Variants in TOPAZ1 observed in about 807,000 individuals in gnomAD.
TOPAZ1 encodes the protein testis and ovary specific TOPAZ 1.
In TOPAZ1, 66 loss-of-function variants were observed where a neutral mutation model predicts 172.2. That is an observed-to-expected ratio of 0.38 (90% CI 0.31 to 0.47). TOPAZ1 has a LOEUF of 0.47. TOPAZ1 is among the 20% of genes least tolerant of loss of function. The pLI is 0.99. For missense variants in TOPAZ1, 1,822 were observed against 1,972.4 expected (o/e 0.92, Z 1.44); for synonymous variants, 681 against 683.9 (o/e 1.00, Z 0.07).
chr3:44,255,725 ATATATG>A lies in TOPAZ1; in HGVS notation c.2828-425_2828-420del, dbSNP rs1377612698. ...CACACACACACACACACACACATAT[ATATATG>A]GTTAACAGCTAGTCAAAAGTTTAAA... On this transcript the variant is annotated intron_variant, in intron 3 of 19. Coordinates refer to ENST00000309765, the MANE Select transcript of TOPAZ1 (RefSeq NM_001145030.2). 2.6e-3 allele frequency among the ~76,000 whole-genome samples: 368 copies of A among 140,866 alleles called. 7 individuals carry two copies. Among genetic ancestry groups the A allele is most frequent in the Admixed American group, 0.022 (305 of 13,930 alleles). 92.4% of individuals were successfully genotyped at this position (140,866 alleles called of 152,430 possible). A position where few individuals can be genotyped will look rare whatever the true frequency, so the allele number is the denominator to read the frequency against.
At chr3:44,295,400 TAG>T (rs1276184235) in intron 12 of TOPAZ1, among the ~76,000 whole-genome samples, 2 of 152,188 alleles carry the variant, frequency 1.3e-5, no homozygotes, top group African/African-American at 4.8e-5. Context: ...TGAATTTATT[TAG>T]AGTGATATCC....
chr3:44,244,071 C>T lies in TOPAZ1; in HGVS notation c.1565C>T (p.Ser522Phe), dbSNP rs1010313678. 1.5e-5 allele frequency: 24 copies of T among 1,551,688 alleles called. No individual in the cohort carries two copies. The highest frequency in any genetic ancestry group is 2.0e-5 in the Non-Finnish European group (23 of 1,146,984). ...GAATCAAGTTACTTTCTTCGTGGGT[C>T]TCAGGAAAGTTGTAGGCAAGTTGAT... Reference protein sequence around the residue: ...LPESSYFLRGSQESCRQVDVP... With the variant: ...LPESSYFLRGFQESCRQVDVP... Residue 522 changes from serine (S) to phenylalanine (F), a missense_variant, in exon 2 of 20, where the codon TCT becomes TTT. By Grantham distance (155) the Ser-to-Phe change is radical (BLOSUM62 -2). Around this residue, in one of 2 missense-constraint regions of TOPAZ1, gnomAD observed 1,489 missense variants for 1,490.8 expected, o/e 1.00. Coordinates refer to ENST00000309765, the MANE Select transcript of TOPAZ1 (RefSeq NM_001145030.2).
chr3:44,309,864 C>A lies in TOPAZ1; in HGVS notation c.4180C>A (p.His1394Asn). The A allele has an allele frequency of 1.3e-6, 2 of 1,540,478 alleles. No individual in the cohort carries two copies. The highest frequency in any genetic ancestry group is 1.8e-6 in the Non-Finnish European group (2 of 1,139,912). The change falls in exon 16 of 20, where the codon CAC (histidine) becomes AAC (asparagine). Residue 1394 changes from histidine (H) to asparagine (N), a missense_variant. Physicochemically the swap from His to Asn is moderately conservative, Grantham distance 68 (BLOSUM62 1). Around this residue, in one of 2 missense-constraint regions of TOPAZ1, gnomAD observed 333 missense variants for 481.7 expected, o/e 0.69. Transcript: ENST00000309765. ...VLEKLYELKI[H>N]FTSLKGLIGP... ...AGAGAAACTATATGAATTAAAAATA[C>A]ACTTTACAAGTTTAAAAGGACTTAT...
Position 44,290,822 on chromosome 3 carries a change from A to C in TOPAZ1, c.3733A>C (p.Lys1245Gln). 6.4e-7 allele frequency: 1 copy of C among 1,550,546 alleles called. No homozygotes were observed. Among genetic ancestry groups the C allele is most frequent in the Middle Eastern group, 1.7e-4 (1 of 5,986 alleles). ...LDPEHFNYIV[K>Q]LLYQVQASKQ... ...CCCAGAGCACTTTAACTATATTGTT[A>C]AGCTTTTATACCAAGTACAAGCTTC... The change falls in exon 12 of 20, where the codon AAG becomes CAG. Residue 1245 changes from lysine to glutamine, a missense_variant. Physicochemically the swap from Lys to Gln is moderately conservative, Grantham distance 53. Coordinates refer to ENST00000309765, the MANE Select transcript of TOPAZ1 (RefSeq NM_001145030.2).
At chr3:44,253,764 A>G (rs1476431561) in intron 2 of TOPAZ1, among the ~76,000 whole-genome samples, 1 of 152,240 alleles carries the variant, frequency 6.6e-6, no homozygotes. Context: ...GGGAAAAAAT[A>G]CTTTGTTTTC....
intron 4 of TOPAZ1, among the ~76,000 whole-genome samples, chr3:44,260,812 T>G (rs1699766908): frequency 6.6e-6 from 1 of 152,152 alleles, no homozygotes; most frequent in Non-Finnish European, 1.5e-5. Flanking sequence ...TTTAATGAAA[T>G]ATTTAATAAA....
At chr3:44,307,904 T>C (rs1276374322) in intron 15 of TOPAZ1, among the ~76,000 whole-genome samples, 1 of 152,162 alleles carries the variant, frequency 6.6e-6, no homozygotes, top group Admixed American at 6.5e-5. Context: ...GAGCTTAAGG[T>C]TGGTCATAGC....
chr3:44,245,347 T>C, intron 2 of TOPAZ1, 76 bp downstream of exon 2: 1 of 1,335,460 alleles, frequency 7.5e-7, no homozygotes, highest in Non-Finnish European at 9.9e-7. Flanking sequence ...TTCACTAATG[T>C]ATTCAGTGAT....
chr3:44,273,177 T>C (rs1699916663), intron 8 of TOPAZ1, among the ~76,000 whole-genome samples: 1 of 152,226 alleles, frequency 6.6e-6, no homozygotes, highest in African/African-American at 2.4e-5. Flanking sequence ...CCTCTCTAGT[T>C]TGGGGTGCTT....
chr3:44,256,135 T>A lies in TOPAZ1; in HGVS notation c.2828-16T>A, dbSNP rs746622078. 5.2e-5 allele frequency: 77 copies of A among 1,487,296 alleles called. No individual in the cohort carries two copies. Among genetic ancestry groups the A allele is most frequent in the Non-Finnish European group, 6.7e-5 (75 of 1,120,604 alleles). The allele number at this position is 1,487,296 out of a possible 1,614,324, so 92.1% of individuals were successfully genotyped here. A position where few individuals can be genotyped will look rare whatever the true frequency, so the allele number is the denominator to read the frequency against. On this transcript the variant is annotated splice_polypyrimidine_tract_variant and intron_variant, in intron 3 of 19. Coordinates refer to ENST00000309765, the MANE Select transcript of TOPAZ1 (RefSeq NM_001145030.2). The stretch of plus-strand genomic sequence containing the variant: ...TGTCTTTAAAGTTTCTATAGTTGAA[T>A]ATTATTTCTTTTCAGAAAGTGAAAT...
At chr3:44,284,961 C>T (rs1248572561) in intron 9 of TOPAZ1, among the ~76,000 whole-genome samples, 1 of 151,978 alleles carries the variant, frequency 6.6e-6, no homozygotes, top group Non-Finnish European at 1.5e-5. Context: ...CAAAACTATT[C>T]CAATATATAA....
intron 17 of TOPAZ1, among the ~76,000 whole-genome samples, chr3:44,322,006 T>C (rs1466640131): frequency 6.6e-6 from 1 of 152,154 alleles, no homozygotes; most frequent in Non-Finnish European, 1.5e-5. Context: ...CTAAAGGAAT[T>C]TTCTTCTCTG....
chr3:44,287,521 G>A lies in TOPAZ1; in HGVS notation c.3569G>A (p.Ser1190Asn), dbSNP rs1343462868. Residue 1190 changes from serine (S) to asparagine (N), a missense_variant, in exon 10 of 20, where the codon AGC becomes AAC. Ser to Asn is a conservative substitution (Grantham distance 46, BLOSUM62 1). This residue lies in a region of TOPAZ1 where 1,489 missense variants were observed against 1,490.8 expected (regional missense o/e 1.00). Coordinates refer to ENST00000309765, the MANE Select transcript of TOPAZ1 (RefSeq NM_001145030.2). ...GAAGTATTTCAGATAGTGAACCTCA[G>A]CATAATGGTTAAAATGCTGGTAAGT... ...LKEVFQIVNL[S>N]IMVKMLPSLK... is the part of the protein sequence containing the mutation. The A allele has an allele frequency of 1.1e-5, 16 of 1,502,836 alleles. No homozygotes were observed. The Admixed American group carries it at 1.5e-4, about 14-fold the overall frequency. 93.1% of individuals were successfully genotyped at this position (1,502,836 alleles called of 1,614,324 possible). A position where few individuals can be genotyped will look rare whatever the true frequency, so the allele number is the denominator to read the frequency against.
Position 44,244,266 on chromosome 3 carries a change from A to G in TOPAZ1, c.1760A>G (p.Glu587Gly). The G allele has an allele frequency of 4.5e-6, 7 of 1,549,868 alleles. No homozygotes were observed. The highest frequency in any genetic ancestry group is 6.1e-6 in the Non-Finnish European group (7 of 1,146,378). ...GAACCTACTTTAATGGTTATAAAGG[A>G]ACCTATAATCAAGGATGATAAAAAG... ...AVEPTLMVIK[E>G]PIIKDDKKIK... is the part of the protein sequence containing the mutation. The change falls in exon 2 of 20, where the codon GAA (glutamate) becomes GGA (glycine). Residue 587 changes from glutamate (E) to glycine (G), a missense_variant. By Grantham distance (98) the Glu-to-Gly change is moderately conservative. Coordinates refer to ENST00000309765, the MANE Select transcript of TOPAZ1 (RefSeq NM_001145030.2).
At chr3:44,263,086 T>C (rs182341799) in intron 5 of TOPAZ1, among the ~76,000 whole-genome samples, 2 of 152,298 alleles carry the variant, frequency 1.3e-5, no homozygotes, top group East Asian at 3.9e-4. Flanking sequence ...ATCTCAGATC[T>C]CTGAATCAAA....
intron 18 of TOPAZ1, among the ~76,000 whole-genome samples, chr3:44,325,311 T>C (rs992372166): frequency 6.6e-6 from 1 of 152,232 alleles, no homozygotes; most frequent in Admixed American, 6.5e-5. Context: ...GTTTTGACTT[T>C]TTTTAAACTT....
intron 8 of TOPAZ1, among the ~76,000 whole-genome samples, chr3:44,280,236 A>T (rs2125690339): frequency 6.6e-6 from 1 of 150,878 alleles, no homozygotes; most frequent in East Asian, 1.9e-4. Flanking sequence ...TGTTAGTCTG[A>T]TGGAGATTTC....
chr3:44,311,978 A>G (rs1031233766), intron 16 of TOPAZ1, among the ~76,000 whole-genome samples: 1 of 151,104 alleles, frequency 6.6e-6, no homozygotes, highest in Non-Finnish European at 1.5e-5. Flanking sequence ...TTTAAAACAC[A>G]TTTTTTTTTC....
Position 44,242,208 on chromosome 3 carries a change from T to A in TOPAZ1, c.155T>A (p.Met52Lys), listed in dbSNP as rs752941965. The A allele has an allele frequency of 1.9e-6, 3 of 1,542,820 alleles. No homozygotes were observed. The South Asian group carries it at 3.6e-5, about 18-fold the overall frequency. ...GCRENKQKRR[M>K]VARATPGRGE... ...CGGGAAAATAAGCAAAAGAGGAGAA[T>A]GGTGGCCCGGGCCACCCCTGGGAGA... The change falls in exon 1 of 20, where the codon ATG becomes AAG. Residue 52 changes from methionine (M) to lysine (K), a missense_variant. By Grantham distance (95) the Met-to-Lys change is moderately conservative. This residue lies in a region of TOPAZ1 where 1,489 missense variants were observed against 1,490.8 expected (regional missense o/e 1.00). Coordinates refer to ENST00000309765, the MANE Select transcript of TOPAZ1 (RefSeq NM_001145030.2).
Sources: gnomAD v4.1 joint callset for allele counts (sites outside exome capture counted in the v4.1 genomes callset) on GRCh38, gnomAD v4.1.1 for gene constraint, gnomAD v4.1.1 regional missense constraint, MANE v1.5 for transcripts, NCBI Gene and HGNC (gene_info 2026-07-23, HGNC 2026-07-21) for gene names.